The following FABP12 variants were observed in gnomAD, a reference collection of about 807,000 sequenced individuals.
The protein encoded by FABP12 is fatty acid binding protein 12, also known as fatty acid-binding protein 12.
In FABP12, 19 loss-of-function variants were observed where a neutral mutation model predicts 13.7. That is an observed-to-expected ratio of 1.39 (90% CI 0.97 to 2.04). The LOEUF (loss-of-function observed/expected upper bound fraction) is 2.04. FABP12 is among the 30% of genes most tolerant of loss of function. The probability of loss-of-function intolerance (pLI) is 0.00; values close to 1 mark genes in which losing one functional copy is unlikely to be tolerated. For synonymous variants in FABP12, 61 were observed against 57.0 expected (o/e 1.07, Z -0.32); for missense variants, 182 against 164.2 (o/e 1.11, Z -0.59).
intron 1 of FABP12, among the ~76,000 whole-genome samples, chr8:81,585,977 AT>A (rs1810232398): frequency 2.0e-5 from 3 of 151,988 alleles, no homozygotes; most frequent in Admixed American, 2.0e-4. Flanking sequence ...GTAGTTTTTC[AT>A]TTCTCATCCT....
At chr8:81,572,185 A>G (rs1809945608) in intron 1 of FABP12, among the ~76,000 whole-genome samples, 1 of 151,616 alleles carries the variant, frequency 6.6e-6, no homozygotes, top group African/African-American at 2.4e-5. Flanking sequence ...TAGCTCCCAC[A>G]TATCAATGAG....
intron 1 of FABP12, among the ~76,000 whole-genome samples, chr8:81,556,410 T>C (rs1476370887): frequency 6.6e-6 from 1 of 152,164 alleles, no homozygotes; most frequent in Admixed American, 6.5e-5. Flanking sequence ...GACAGAAAAC[T>C]CATTACCATG....
At chr8:81,554,164 T>A (rs923167002) in intron 1 of FABP12, among the ~76,000 whole-genome samples, 1 of 152,236 alleles carries the variant, frequency 6.6e-6, no homozygotes, top group East Asian at 1.9e-4. Context: ...TTTGCTCAGT[T>A]GTGCAAGGCA....
rs560284579 is a variant in FABP12 at position 81,556,149 on chromosome 8, T to G, written c.-184-16406A>C. 9.2e-5 allele frequency among the ~76,000 whole-genome samples: 14 copies of G among 152,272 alleles called. No individual in the cohort carries two copies. In the South Asian group the frequency reaches 2.9e-3, roughly 32 times the overall value. ...AAAATTGTATGTATAACACTATAGT[T>G]GGCAAGTTTCATTCCTGGTTCCACA... On this transcript the variant is annotated intron_variant, in intron 1 of 5. Coordinates refer to the FABP12 transcript ENST00000692030.
intron 3 of FABP12, among the ~76,000 whole-genome samples, chr8:81,528,733 A>G (rs1808975811): frequency 6.6e-6 from 1 of 152,158 alleles, no homozygotes; most frequent in Non-Finnish European, 1.5e-5. Context: ...TACATATTAT[A>G]AATAAATAAT....
upstream of FABP12, among the ~76,000 whole-genome samples, chr8:81,536,323 T>C (rs1809220861): frequency 6.6e-6 from 1 of 152,230 alleles, no homozygotes; most frequent in African/African-American, 2.4e-5. Flanking sequence ...AGAAAAGTAT[T>C]GTGACTATAT....
At chr8:81,532,224 CT>C (rs1417991477) in intron 1 of FABP12, among the ~76,000 whole-genome samples, 4 of 152,152 alleles carry the variant, frequency 2.6e-5, no homozygotes, top group African/African-American at 4.8e-5. Flanking sequence ...CAAACATGCC[CT>C]TATACATTCC....
chr8:81,547,930 C>T (rs565456477), intron 1 of FABP12, among the ~76,000 whole-genome samples: 1 of 152,326 alleles, frequency 6.6e-6, no homozygotes, highest in East Asian at 1.9e-4. Context: ...AGTGAAAGGA[C>T]TTTTACAGAA....
At chr8:81,537,288 C>A (rs1021868901), upstream of FABP12, among the ~76,000 whole-genome samples, 1 of 152,058 alleles carries the variant, frequency 6.6e-6, no homozygotes, top group Admixed American at 6.6e-5. Flanking sequence ...AGGAAAGAAA[C>A]CTAGTTTAAA....
At chr8:81,536,261 T>C (rs550820038), upstream of FABP12, among the ~76,000 whole-genome samples, 4 of 152,194 alleles carry the variant, frequency 2.6e-5, no homozygotes, top group Non-Finnish European at 4.4e-5. Flanking sequence ...TATCTGTTGC[T>C]CTTCTGATGT....
At chr8:81,575,509 T>C (rs1810024518) in intron 1 of FABP12, among the ~76,000 whole-genome samples, 2 of 152,248 alleles carry the variant, frequency 1.3e-5, no homozygotes, top group South Asian at 2.1e-4. Context: ...TGTTTCTTTG[T>C]TGACTTTCTG....
chr8:81,581,068 A>C (rs1398506957), intron 1 of FABP12, among the ~76,000 whole-genome samples: 1 of 152,186 alleles, frequency 6.6e-6, no homozygotes, highest in African/African-American at 2.4e-5. Context: ...CAAGTCTCCA[A>C]GACAAGGGCA....
upstream of FABP12, among the ~76,000 whole-genome samples, chr8:81,535,805 A>T (rs1333772938): frequency 4.6e-5 from 7 of 152,062 alleles, no homozygotes; most frequent in Non-Finnish European, 1.0e-4. Flanking sequence ...GAGACAAAGG[A>T]TTCTGGGTCT....
At chr8:81,557,707 T>C (rs1809643579) in intron 1 of FABP12, among the ~76,000 whole-genome samples, 1 of 152,208 alleles carries the variant, frequency 6.6e-6, no homozygotes, top group African/African-American at 2.4e-5. Flanking sequence ...GTTAACGTTT[T>C]TTAAAAGTAA....
chr8:81,577,449 A>G (rs1810068468), intron 1 of FABP12, among the ~76,000 whole-genome samples: 1 of 152,138 alleles, frequency 6.6e-6, no homozygotes, highest in African/African-American at 2.4e-5. Flanking sequence ...TAGTTATTAT[A>G]TGTATCTTCT....
chr8:81,582,295 G>A (rs1473273695), intron 1 of FABP12, among the ~76,000 whole-genome samples: 2 of 151,538 alleles, frequency 1.3e-5, no homozygotes, highest in African/African-American at 2.4e-5. Context: ...GCTAATTTTT[G>A]TATTTTTAGT....
chr8:81,583,781 C>A (rs1375236949), intron 1 of FABP12, among the ~76,000 whole-genome samples: 3 of 152,268 alleles, frequency 2.0e-5, no homozygotes, highest in Admixed American at 6.5e-5. Flanking sequence ...AAAACTAACA[C>A]TAGTTTTCTT....
upstream of FABP12, among the ~76,000 whole-genome samples, chr8:81,535,655 G>A (rs935346660): frequency 9.2e-5 from 14 of 152,194 alleles, no homozygotes; most frequent in East Asian, 3.9e-4. Context: ...ACCCGAGGCT[G>A]TCAGAATATC....
At chr8:81,574,595 G>C (rs1363259957) in intron 1 of FABP12, among the ~76,000 whole-genome samples, 1 of 151,712 alleles carries the variant, frequency 6.6e-6, no homozygotes, top group Non-Finnish European at 1.5e-5. Context: ...TTTTTTTGTT[G>C]GTAATTTTTT....
Sources: gnomAD v4.1 joint callset for allele counts (sites outside exome capture counted in the v4.1 genomes callset) on GRCh38, gnomAD v4.1.1 for gene constraint, MANE v1.5 for transcripts, NCBI Gene and HGNC (gene_info 2026-07-23, HGNC 2026-07-21) for gene names.